Variants in GRM7 observed in about 807,000 individuals in gnomAD.
The protein encoded by GRM7 is metabotropic glutamate receptor 7.
GRM7 carries 35 observed loss-of-function variants against 84.5 expected under a neutral mutation model. That is an observed-to-expected ratio of 0.41 (90% confidence interval 0.32 to 0.55). The LOEUF (loss-of-function observed/expected upper bound fraction) is 0.55, where lower values mean the gene tolerates loss of function less well. Among genes scored for constraint, GRM7 ranks in the 20% least tolerant of loss-of-function variants. The pLI is 0.19. For missense variants in GRM7, 1,003 were observed against 1,194.6 expected, an observed-to-expected ratio of 0.84 and a Z score of 2.36; for synonymous variants, 487 against 455.1, an observed-to-expected ratio of 1.07 and a Z score of -0.89.
At chr3:7,409,670 G>T (rs900932069) in intron 4 of GRM7, among the ~76,000 whole-genome samples, 3 of 152,074 alleles carry the variant, frequency 2.0e-5, no homozygotes, top group Non-Finnish European at 4.4e-5. Flanking sequence ...GCGGGATCTT[G>T]GCTCACTGCA....
intron 4 of GRM7, among the ~76,000 whole-genome samples, chr3:7,370,804 T>G (rs1303044157): frequency 6.6e-6 from 1 of 152,140 alleles, no homozygotes; most frequent in Non-Finnish European, 1.5e-5. Flanking sequence ...CAAGATAAAT[T>G]AAAAATCAGA....
At chr3:6,968,459 G>T (rs1031524167) in intron 1 of GRM7, among the ~76,000 whole-genome samples, 8 of 152,168 alleles carry the variant, frequency 5.3e-5, no homozygotes, top group Admixed American at 4.6e-4. Context: ...TTCAACACAT[G>T]ACAGTTACTA....
At chr3:6,941,774 A>T (rs548251208) in intron 1 of GRM7, among the ~76,000 whole-genome samples, 1 of 152,256 alleles carries the variant, frequency 6.6e-6, no homozygotes, top group Admixed American at 6.5e-5. Context: ...GTATCAATTC[A>T]TATATTCATG....
chr3:7,027,273 C>T (rs1255021307), intron 1 of GRM7, among the ~76,000 whole-genome samples: 2 of 152,108 alleles, frequency 1.3e-5, no homozygotes, highest in Non-Finnish European at 2.9e-5. Context: ...CGTTTTGAGG[C>T]ATCCCATGCA....
chr3:7,005,743 G>A (rs2124884576), intron 1 of GRM7, among the ~76,000 whole-genome samples: 1 of 152,272 alleles, frequency 6.6e-6, no homozygotes, highest in South Asian at 2.1e-4. Context: ...AAATCCAGAT[G>A]CACCGAAAAT....
intron 1 of GRM7, among the ~76,000 whole-genome samples, chr3:6,977,254 C>T (rs762302353): frequency 1.3e-5 from 2 of 152,066 alleles, no homozygotes; most frequent in African/African-American, 4.8e-5. Context: ...TCACCAAAAA[C>T]GAGAGTGCTT....
At chr3:7,536,896 T>C (rs893592145) in intron 7 of GRM7, among the ~76,000 whole-genome samples, 2 of 152,218 alleles carry the variant, frequency 1.3e-5, no homozygotes, top group Non-Finnish European at 2.9e-5. Flanking sequence ...GAGATAATAA[T>C]AAATATTTGT....
chr3:7,681,913 C>G (rs1266465662), intron 9 of GRM7: 1 of 152,106 alleles, frequency 6.6e-6, no homozygotes, highest in Non-Finnish European at 1.5e-5. Flanking sequence ...AACGTCTTTC[C>G]CTTCCTGAAG....
chr3:7,576,947 A>G (rs1337414823), intron 7 of GRM7, among the ~76,000 whole-genome samples: 4 of 152,232 alleles, frequency 2.6e-5, no homozygotes, highest in Non-Finnish European at 5.9e-5. Flanking sequence ...AGCTATATCC[A>G]GGAGCTCAAA....
chr3:7,700,954 T>C (rs1701203491), intron 9 of GRM7, among the ~76,000 whole-genome samples: 1 of 152,220 alleles, frequency 6.6e-6, no homozygotes, highest in African/African-American at 2.4e-5. Flanking sequence ...TCAAGACAGT[T>C]GTTAACAGAA....
At chr3:7,726,610 C>CTT (rs1702136239) in intron 9 of GRM7, among the ~76,000 whole-genome samples, 1 of 30,496 alleles carries the variant, frequency 3.3e-5, no homozygotes, top group African/African-American at 1.2e-4. Flanking sequence ...TCTCTCTCTC[C>CTT]CTCTATATAT....
At chr3:7,594,270 G>T (rs1404492033) in intron 8 of GRM7, among the ~76,000 whole-genome samples, 1 of 152,096 alleles carries the variant, frequency 6.6e-6, no homozygotes, top group Non-Finnish European at 1.5e-5. Context: ...GTTGTGTCCA[G>T]ATGCCATGAA....
chr3:7,147,388 A>C lies in GRM7; in HGVS notation c.736+720A>C, dbSNP rs952766331. ...GTTTCCCCATATGGATGTATTGGAT[A>C]TGGTAAATACATACCAATATGCATG... is the stretch of plus-strand genomic sequence containing the variant. On this transcript the variant is annotated intron_variant, in intron 2 of 9. Transcript: ENST00000357716. 2.0e-5 allele frequency among the ~76,000 whole-genome samples: 3 copies of C among 152,200 alleles called. No individual in the cohort carries two copies. In the East Asian group the frequency reaches 5.8e-4, roughly 29 times the overall value.
At chr3:7,039,253 G>C (rs908679753) in intron 1 of GRM7, among the ~76,000 whole-genome samples, 4 of 152,176 alleles carry the variant, frequency 2.6e-5, no homozygotes, top group Admixed American at 2.6e-4. Flanking sequence ...AGAAAAACTT[G>C]GAGAAGATCC....
intron 7 of GRM7, among the ~76,000 whole-genome samples, chr3:7,484,119 C>G (rs926974557): frequency 6.6e-6 from 1 of 152,134 alleles, no homozygotes; most frequent in South Asian, 2.1e-4. Flanking sequence ...GAAAGCATCT[C>G]CTAAAGAAAC....
chr3:7,029,790 A>G (rs1696124249), intron 1 of GRM7, among the ~76,000 whole-genome samples: 1 of 152,206 alleles, frequency 6.6e-6, no homozygotes, highest in Admixed American at 6.5e-5. Context: ...GATGCTGGTG[A>G]TGGTTACGCA....
chr3:7,061,414 GA>G, intron 1 of GRM7, among the ~76,000 whole-genome samples: 1 of 151,842 alleles, frequency 6.6e-6, no homozygotes, highest in South Asian at 2.1e-4. Flanking sequence ...CTCATTTACA[GA>G]TGAGTAAAAG....
At chr3:7,372,828 G>C (rs1694196293) in intron 4 of GRM7, among the ~76,000 whole-genome samples, 1 of 147,250 alleles carries the variant, frequency 6.8e-6, no homozygotes, top group South Asian at 2.1e-4. Context: ...GAAGAGAAAG[G>C]GGGTAAGGAA....
chr3:7,019,470 C>G (rs182921349), intron 1 of GRM7, among the ~76,000 whole-genome samples: 5 of 152,274 alleles, frequency 3.3e-5, no homozygotes, highest in East Asian at 3.9e-4. Context: ...CCCCTAAATC[C>G]AAACAAATAA....
Sources: gnomAD v4.1 joint callset for allele counts (sites outside exome capture counted in the v4.1 genomes callset) on GRCh38, gnomAD v4.1.1 for gene constraint, MANE v1.5 for transcripts, NCBI Gene and HGNC (gene_info 2026-07-23, HGNC 2026-07-21) for gene names.